The following NMNAT3 variants were observed in gnomAD, a reference collection of about 807,000 sequenced individuals.
The protein encoded by NMNAT3 is nicotinamide/nicotinic acid mononucleotide adenylyltransferase 3.
NMNAT3 carries 21 observed loss-of-function variants against 24.8 expected under a neutral mutation model. That is an observed-to-expected ratio of 0.85 (90% CI 0.60 to 1.22). The LOEUF is 1.22. Ranked by LOEUF, NMNAT3 falls within the 50% of genes most tolerant of loss-of-function variation. The pLI, the probability that NMNAT3 is intolerant of heterozygous loss-of-function variation, is 0.00. For synonymous variants in NMNAT3, 136 were observed against 155.2 expected, an observed-to-expected ratio of 0.88 and a Z score of 0.92; for missense variants, 387 against 436.6, an observed-to-expected ratio of 0.89 and a Z score of 1.01.
intron 3 of NMNAT3, among the ~76,000 whole-genome samples, chr3:139,612,459 T>C (rs2055270819): frequency 6.6e-6 from 1 of 152,168 alleles, no homozygotes; most frequent in African/African-American, 2.4e-5. Flanking sequence ...AAATGTATGC[T>C]GGACCAGGCT....
intron 6 of NMNAT3, among the ~76,000 whole-genome samples, chr3:139,571,790 A>G (rs1289288729): frequency 1.3e-5 from 2 of 152,208 alleles, no homozygotes; most frequent in East Asian, 3.9e-4. Context: ...AATTAAGAGG[A>G]AGGAGGGGAG....
At chr3:139,660,091 C>G (rs2057366992) in intron 1 of NMNAT3, among the ~76,000 whole-genome samples, 1 of 152,222 alleles carries the variant, frequency 6.6e-6, no homozygotes, top group African/African-American at 2.4e-5. Context: ...GTCTCCACTA[C>G]TGTGGTACCA....
chr3:139,613,529 T>C lies in NMNAT3; in HGVS notation c.109+14087A>G, dbSNP rs376499420. Among the ~76,000 whole-genome samples the C allele has an allele frequency of 3.9e-5, 6 of 152,330 alleles. No individual in the cohort carries two copies. In the East Asian group the frequency reaches 7.7e-4, roughly 20 times the overall value. ...TGGAGAAATACGTACACTTTTACACTGTTGGTGGGACTGTAAACTAGTTCA... is the reference window on the plus strand; with the variant it reads ...TGGAGAAATACGTACACTTTTACACCGTTGGTGGGACTGTAAACTAGTTCA... On this transcript the variant is annotated intron_variant, in intron 3 of 6. Transcript: ENST00000643695.
chr3:139,592,856 T>C (rs1157482965), intron 3 of NMNAT3, among the ~76,000 whole-genome samples: 2 of 152,204 alleles, frequency 1.3e-5, no homozygotes, highest in African/African-American at 4.8e-5. Context: ...TACCAGCCAC[T>C]GCAAAATCAT....
At chr3:139,594,331 A>T (rs751680107) in intron 3 of NMNAT3, among the ~76,000 whole-genome samples, 14 of 152,216 alleles carry the variant, frequency 9.2e-5, no homozygotes, top group Non-Finnish European at 1.8e-4. Context: ...TAGCTTACCA[A>T]CCGAAAAGAG....
intron 3 of NMNAT3, among the ~76,000 whole-genome samples, chr3:139,590,638 A>G (rs1215687063): frequency 6.6e-6 from 1 of 152,162 alleles, no homozygotes; most frequent in East Asian, 1.9e-4. Context: ...AACAACTTTT[A>G]TTATCTAATA....
rs116421941 is a variant in NMNAT3 at position 139,587,425 on chromosome 3, C to T, written c.110-4217G>A. 1.6e-3 allele frequency among the ~76,000 whole-genome samples: 242 copies of T among 152,166 alleles called. 1 individual carries two copies. Among genetic ancestry groups the T allele is most frequent in the African/African-American group, 5.4e-3 (224 of 41,496 alleles). Reference sequence around the variant, plus strand: ...AGCTGAGGAGGCTTCAATAGTGGAGCGAGAGTGGATAGATGCCAGTGCCTA... The same window carrying T: ...AGCTGAGGAGGCTTCAATAGTGGAGTGAGAGTGGATAGATGCCAGTGCCTA... On this transcript the variant is annotated intron_variant, in intron 3 of 6. Transcript: ENST00000643695.
At chr3:139,576,360 G>T (rs1939307748) in intron 5 of NMNAT3, 1 of 720,882 alleles carries the variant, frequency 1.4e-6, no homozygotes, top group Non-Finnish European at 1.7e-6. Flanking sequence ...ATCAGCATTT[G>T]ATAAAACTGT....
intron 1 of NMNAT3, among the ~76,000 whole-genome samples, chr3:139,646,573 T>C (rs948824200): frequency 2.6e-5 from 4 of 152,184 alleles, no homozygotes; most frequent in African/African-American, 9.7e-5. Flanking sequence ...CTGCCTGGTC[T>C]GCACTCTCAA....
intron 6 of NMNAT3, among the ~76,000 whole-genome samples, chr3:139,563,171 A>T (rs187812438): frequency 6.6e-6 from 1 of 152,364 alleles, no homozygotes; most frequent in Admixed American, 6.5e-5. Flanking sequence ...ACAATTATTC[A>T]GTAACTCACA....
At chr3:139,635,939 C>T (rs1279991743) in intron 2 of NMNAT3, 1 of 152,236 alleles carries the variant, frequency 6.6e-6, no homozygotes, top group African/African-American at 2.4e-5. Context: ...CTCTCCTCTA[C>T]TCTTGCTACC....
chr3:139,599,415 G>T, intron 3 of NMNAT3: 1 of 702,320 alleles, frequency 1.4e-6, no homozygotes, highest in Non-Finnish European at 2.6e-6. Context: ...TTCTTCCCTT[G>T]GTTGTGTTGG....
intron 3 of NMNAT3, among the ~76,000 whole-genome samples, chr3:139,607,953 A>G (rs887387495): frequency 2.6e-5 from 4 of 152,240 alleles, no homozygotes; most frequent in African/African-American, 9.6e-5. Flanking sequence ...GAATATTTAT[A>G]CAGACACATC....
Position 139,595,007 on chromosome 3 carries a change from A to G in NMNAT3, c.110-11799T>C, listed in dbSNP as rs538383957. ...AAATAAAGGGTATTCAATTAGGAAA[A>G]GAGGAAGTCAAATTGTCCCTGTTTG... On this transcript the variant is annotated intron_variant, in intron 3 of 6. Coordinates refer to ENST00000643695, the MANE Select transcript of NMNAT3 (RefSeq NM_001320510.2). 1.5e-4 allele frequency among the ~76,000 whole-genome samples: 23 copies of G among 152,316 alleles called. 1 individual carries two copies. In the South Asian group the frequency reaches 1.9e-3, roughly 12 times the overall value.
chr3:139,677,114 C>CG (rs1238776189), intron 1 of NMNAT3, among the ~76,000 whole-genome samples: 25 of 152,296 alleles, frequency 1.6e-4, no homozygotes, highest in African/African-American at 5.5e-4. Context: ...GTTCCCCGCC[C>CG]GGGAATTCTC....
chr3:139,641,007 G>A (rs1397949948), intron 1 of NMNAT3, among the ~76,000 whole-genome samples: 2 of 152,090 alleles, frequency 1.3e-5, no homozygotes, highest in African/African-American at 4.8e-5. Context: ...AGGCCAGAAC[G>A]GTAGGCAGTT....
chr3:139,579,145 T>A (rs1939792946), intron 4 of NMNAT3, 90 bp from the exon 5 acceptor site: 1 of 1,038,630 alleles, frequency 9.6e-7, no homozygotes, highest in African/African-American at 1.6e-5. Flanking sequence ...ATGTCTCCAG[T>A]GCCTCATCCT....
chr3:139,667,354 T>C (rs546515025), intron 1 of NMNAT3, among the ~76,000 whole-genome samples: 30 of 152,284 alleles, frequency 2.0e-4, no homozygotes, highest in African/African-American at 7.0e-4. Flanking sequence ...TTCCCTGATG[T>C]TAGTGATGTT....
intron 1 of NMNAT3, among the ~76,000 whole-genome samples, chr3:139,676,303 G>C (rs1329539761): frequency 6.6e-6 from 1 of 152,212 alleles, no homozygotes; most frequent in Admixed American, 6.5e-5. Context: ...ACAGTGAGCA[G>C]CTGACAGATG....
Sources: allele counts gnomAD v4.1 joint callset (sites outside exome capture counted in the v4.1 genomes callset), GRCh38; gene constraint gnomAD v4.1.1; transcripts MANE v1.5; gene names NCBI Gene and HGNC (gene_info 2026-07-23, HGNC 2026-07-21).